Variants in UTRN observed in about 807,000 individuals in gnomAD.
The protein encoded by UTRN is utrophin.
A neutral mutation model predicts 463.9 loss-of-function variants in UTRN; 283 were observed. That is an observed-to-expected ratio of 0.61 (90% CI 0.55 to 0.67). UTRN has a LOEUF of 0.67. Among genes scored for constraint, UTRN ranks in the 30% least tolerant of loss-of-function variants. The pLI, the probability that UTRN is intolerant of heterozygous loss-of-function variation, is 0.00. For synonymous variants in UTRN, 1,442 were observed against 1,431.5 expected (o/e 1.01, Z -0.17); for missense variants, 3,922 against 4,084.3 (o/e 0.96, Z 1.08).
intron 53 of UTRN, among the ~76,000 whole-genome samples, chr6:144,712,363 C>G (rs1351980340): frequency 6.6e-6 from 1 of 152,108 alleles, no homozygotes; most frequent in Non-Finnish European, 1.5e-5. Context: ...CATAGAATGT[C>G]CATGTTTAGA....
Position 144,470,192 on chromosome 6 carries a change from GC to G in UTRN, c.3067-3525del, listed in dbSNP as rs1267096675. Among the ~76,000 whole-genome samples the G allele has an allele frequency of 1.6e-4, 25 of 152,294 alleles. No homozygotes were observed. The East Asian group carries it at 4.4e-3, about 27-fold the overall frequency. On this transcript the variant is annotated intron_variant, in intron 23 of 74. Coordinates refer to ENST00000367545, the MANE Select transcript of UTRN (RefSeq NM_007124.3). ...CCACAAAACTGCCATCGTCATCATG[GC>G]CCGTTCTCAATGAGCTGTTGGGTAC...
At chr6:144,796,608 G>A (rs1479347760) in intron 63 of UTRN, among the ~76,000 whole-genome samples, 2 of 152,070 alleles carry the variant, frequency 1.3e-5, no homozygotes, top group Non-Finnish European at 2.9e-5. Context: ...TTACTAATTT[G>A]AAACTGAGAA....
Position 144,851,121 on chromosome 6 carries a change from CTG to C in UTRN, c.*130_*131del. ...CTTGGCCCACGATGTTGAGTGCTGA[CTG>C]TGTGTTCTACTGAAAGAGTAAAACA... is the stretch of plus-strand genomic sequence containing the variant. On this transcript the variant is annotated 3_prime_UTR_variant, in exon 75 of 75. Transcript: ENST00000367545. 3 of 1,234,066 alleles carry C rather than the reference CTG, an allele frequency of 2.4e-6. No homozygotes were observed. The highest frequency in any genetic ancestry group is 2.4e-6 in the Non-Finnish European group (2 of 835,956). The allele number at this position is 1,234,066 out of a possible 1,614,324, so 76.4% of individuals were successfully genotyped here. A position where few individuals can be genotyped will look rare whatever the true frequency, so the allele number is the denominator to read the frequency against.
Position 144,580,217 on chromosome 6 carries a change from G to T in UTRN, c.7479+2929G>T, listed in dbSNP as rs748930146. Among the ~76,000 whole-genome samples the T allele has an allele frequency of 3.3e-5, 4 of 120,270 alleles. 1 individual carries two copies. The South Asian group carries it at 1.3e-3, about 39-fold the overall frequency. The allele number at this position is 120,270 out of a possible 152,430, so 78.9% of individuals were successfully genotyped here. A position where few individuals can be genotyped will look rare whatever the true frequency, so the allele number is the denominator to read the frequency against. The stretch of plus-strand genomic sequence containing the variant: ...ACAGAAAAGTTCTGGTGGCATGGTG[G>T]TGGCAGTGGTGGTGGTGGTGCTGGT... On this transcript the variant is annotated intron_variant, in intron 51 of 74. Coordinates refer to ENST00000367545, the MANE Select transcript of UTRN (RefSeq NM_007124.3).
At chr6:144,347,747 A>T (rs894701114) in intron 2 of UTRN, among the ~76,000 whole-genome samples, 1 of 151,744 alleles carries the variant, frequency 6.6e-6, no homozygotes, top group Non-Finnish European at 1.5e-5. Context: ...AGAGAATTTC[A>T]TCAGGGGCTG....
At chr6:144,443,233 T>C (rs2114908181) in intron 13 of UTRN, among the ~76,000 whole-genome samples, 1 of 152,292 alleles carries the variant, frequency 6.6e-6, no homozygotes, top group Admixed American at 6.5e-5. Flanking sequence ...TGTAATTTCA[T>C]CACGTGAGGT....
chr6:144,421,729 A>C (rs1451763882), intron 3 of UTRN, 149 bp from the exon 4 acceptor site: 3 of 343,236 alleles, frequency 8.7e-6, no homozygotes, highest in Non-Finnish European at 1.0e-5. Context: ...ATAAATAAAA[A>C]CCCCCAAAAG....
chr6:144,748,292 C>G lies in UTRN; in HGVS notation c.7986C>G (p.Arg2662=). Residue 2662 remains arginine, a synonymous_variant, in exon 55 of 75, where the codon CGC becomes CGG. Transcript: ENST00000367545. ...ERAQKIAKAM[R]KQSSEVKEKW... ...CCCAAAAGATTGCCAAAGCCATGCG[C>G]AAACAGTCTTCTGAAGTCAAAGAAA... 1 of 1,612,994 alleles carries G rather than the reference C, an allele frequency of 6.2e-7. No individual in the cohort carries two copies. Among genetic ancestry groups the G allele is most frequent in the Middle Eastern group, 1.7e-4 (1 of 6,058 alleles).
intron 51 of UTRN, chr6:144,583,745 A>G (rs1203086131): frequency 4.6e-6 from 2 of 438,760 alleles, no homozygotes; most frequent in African/African-American, 4.0e-5. Context: ...AGTGAATTGC[A>G]TAATTACATT....
At chr6:144,345,428 A>C (rs1777483957) in intron 2 of UTRN, among the ~76,000 whole-genome samples, 1 of 152,140 alleles carries the variant, frequency 6.6e-6, no homozygotes, top group Non-Finnish European at 1.5e-5. Flanking sequence ...TAATCCAAGC[A>C]CTTTGGGAGG....
At chr6:144,496,437 T>C (rs1352950602) in intron 33 of UTRN, among the ~76,000 whole-genome samples, 1 of 152,218 alleles carries the variant, frequency 6.6e-6, no homozygotes, top group African/African-American at 2.4e-5. Flanking sequence ...CTTTTTGGAA[T>C]TATACAGCTG....
At chr6:144,450,688 AAAG>A (rs1436611495) in intron 17 of UTRN, among the ~76,000 whole-genome samples, 2 of 152,236 alleles carry the variant, frequency 1.3e-5, no homozygotes, top group East Asian at 1.9e-4. Context: ...ATATTGAACA[AAAG>A]AAGATGTTAA....
Position 144,462,637 on chromosome 6 carries a change from T to C in UTRN, c.2854-17T>C. On this transcript the variant is annotated splice_polypyrimidine_tract_variant and intron_variant, in intron 22 of 74. Coordinates refer to ENST00000367545, the MANE Select transcript of UTRN (RefSeq NM_007124.3). ...ACATTTTTGTGCATATTTTTAATCT[T>C]TTAAAACTTTTTCCAGACCCTTGAT... The C allele has an allele frequency of 6.3e-7, 1 of 1,585,278 alleles. No homozygotes were observed. Among genetic ancestry groups the C allele is most frequent in the South Asian group, 1.2e-5 (1 of 85,402 alleles).
At chr6:144,531,247 T>G (rs1797034432) in intron 42 of UTRN, 45 bp downstream of exon 42, 2 of 1,567,690 alleles carry the variant, frequency 1.3e-6, no homozygotes, top group South Asian at 2.4e-5. Context: ...ATATGGTTAG[T>G]GTATGCCTGT....
intron 53 of UTRN, among the ~76,000 whole-genome samples, chr6:144,729,435 A>G (rs1788282998): frequency 6.6e-6 from 1 of 152,228 alleles, no homozygotes; most frequent in Admixed American, 6.5e-5. Flanking sequence ...ATTCTAACAT[A>G]TAATGAAAGT....
chr6:144,359,476 G>A (rs931087360), intron 2 of UTRN, among the ~76,000 whole-genome samples: 10 of 152,148 alleles, frequency 6.6e-5, no homozygotes, highest in African/African-American at 2.4e-4. Context: ...TAGAATTTAT[G>A]GGATGAGAGG....
chr6:144,690,344 C>T (rs1255992841), intron 52 of UTRN, among the ~76,000 whole-genome samples: 3 of 151,700 alleles, frequency 2.0e-5, no homozygotes, highest in African/African-American at 7.3e-5. Context: ...AGCAGTAAGA[C>T]CCACCTAGCT....
At chr6:144,629,738 C>CTAAA (rs916108889) in intron 51 of UTRN, among the ~76,000 whole-genome samples, 16 of 152,316 alleles carry the variant, frequency 1.1e-4, no homozygotes, top group Middle Eastern at 3.4e-3. Context: ...TTTGCTTCTG[C>CTAAA]TTTAGCCATG....
intron 50 of UTRN, among the ~76,000 whole-genome samples, chr6:144,567,925 T>C (rs905630114): frequency 1.1e-4 from 16 of 152,150 alleles, no homozygotes; most frequent in Admixed American, 9.2e-4. Flanking sequence ...TTAAATAATA[T>C]ATCTTGTAGC....
Sources: allele counts gnomAD v4.1 joint callset (sites outside exome capture counted in the v4.1 genomes callset), GRCh38; gene constraint gnomAD v4.1.1; transcripts MANE v1.5; gene names NCBI Gene and HGNC (gene_info 2026-07-23, HGNC 2026-07-21).